UBE2D2: variants seen among roughly 807,000 people sequenced by gnomAD.
The protein encoded by UBE2D2 is ubiquitin-conjugating enzyme E2 D2.
A neutral mutation model predicts 24.2 loss-of-function variants in UBE2D2; 2 were observed. The observed-to-expected ratio is 0.08, with a 90% CI of 0.03 to 0.26. UBE2D2 has a LOEUF of 0.26. Among genes scored for constraint, UBE2D2 ranks in the 10% least tolerant of loss-of-function variants. The pLI, the probability that UBE2D2 is intolerant of heterozygous loss-of-function variation, is 1.00. For synonymous variants in UBE2D2, 58 were observed against 56.5 expected (o/e 1.03, Z -0.12); for missense variants, 44 against 177.6 (o/e 0.25, Z 4.28).
intron 1 of UBE2D2, among the ~76,000 whole-genome samples, chr5:139,568,385 C>T (rs1043707783): frequency 8.6e-5 from 13 of 150,968 alleles, no homozygotes; most frequent in Non-Finnish European, 1.6e-4. Flanking sequence ...CCGGGCTGGG[C>T]GCTGTGGCTC....
At chr5:139,621,671 G>T in intron 5 of UBE2D2, among the ~76,000 whole-genome samples, 1 of 151,096 alleles carries the variant, frequency 6.6e-6, no homozygotes, top group South Asian at 2.1e-4. Flanking sequence ...CACCCAGATT[G>T]GAGTGCAGTG....
At chr5:139,533,744 G>T (rs1321073612) in intron 1 of UBE2D2, among the ~76,000 whole-genome samples, 1 of 151,676 alleles carries the variant, frequency 6.6e-6, no homozygotes, top group Non-Finnish European at 1.5e-5. Flanking sequence ...GTAATTCCAA[G>T]AATTTAACTA....
At chr5:139,571,603 C>T (rs902310037) in intron 1 of UBE2D2, among the ~76,000 whole-genome samples, 3 of 152,048 alleles carry the variant, frequency 2.0e-5, no homozygotes, top group Non-Finnish European at 2.9e-5. Flanking sequence ...CAGATACAGG[C>T]GATCTTGACT....
intron 2 of UBE2D2, among the ~76,000 whole-genome samples, chr5:139,614,248 G>A (rs1754381014): frequency 1.3e-5 from 2 of 151,982 alleles, no homozygotes; most frequent in East Asian, 1.9e-4. Context: ...TTGTTTTTGA[G>A]AGAGTCTTGC....
At chr5:139,550,162 G>A (rs1752890016) in intron 1 of UBE2D2, among the ~76,000 whole-genome samples, 1 of 151,836 alleles carries the variant, frequency 6.6e-6, no homozygotes, top group Non-Finnish European at 1.5e-5. Context: ...TCTAGCTCAA[G>A]GTTTGTAAAC....
chr5:139,595,218 A>G (rs1321805123), intron 1 of UBE2D2, among the ~76,000 whole-genome samples: 2 of 152,130 alleles, frequency 1.3e-5, no homozygotes, highest in Non-Finnish European at 2.9e-5. Context: ...ATATTTGGGT[A>G]TTATTTTTTT....
intron 1 of UBE2D2, among the ~76,000 whole-genome samples, chr5:139,584,882 G>A (rs1679138240): frequency 1.4e-5 from 2 of 144,334 alleles, no homozygotes; most frequent in African/African-American, 5.1e-5. Context: ...AATATATTGT[G>A]TATGTCACTA....
rs894752839 is a variant in UBE2D2, at chr5:139,627,715, A to T, written c.*914A>T. 1 of 152,602 alleles carries T rather than the reference A, an allele frequency of 6.6e-6. No homozygotes were observed. Among genetic ancestry groups the T allele is most frequent in the Non-Finnish European group, 1.5e-5 (1 of 68,026 alleles). The allele number at this position is 152,602 out of a possible 1,614,324, so 9.5% of individuals were successfully genotyped here. On this transcript the variant is annotated 3_prime_UTR_variant, in exon 7 of 7. Coordinates refer to ENST00000398733, the MANE Select transcript of UBE2D2 (RefSeq NM_003339.3). ...TAATTTTGTGTGAATAGGCTTTTTC[A>T]TTTTTAAGAAGTTTGTCTAGCTGAG...
At chr5:139,614,224 G>A (rs1287299215) in intron 2 of UBE2D2, among the ~76,000 whole-genome samples, 1 of 152,016 alleles carries the variant, frequency 6.6e-6, no homozygotes, top group Non-Finnish European at 1.5e-5. Context: ...AAATACTTTC[G>A]GTTTTTTTTG....
intron 1 of UBE2D2, among the ~76,000 whole-genome samples, chr5:139,583,572 G>A (rs1457431169): frequency 6.6e-6 from 1 of 152,028 alleles, no homozygotes; most frequent in Admixed American, 6.6e-5. Flanking sequence ...GACCAACCTG[G>A]CCAACAAGGT....
intron 1 of UBE2D2, among the ~76,000 whole-genome samples, chr5:139,547,578 C>A (rs948591445): frequency 2.0e-5 from 3 of 151,214 alleles, no homozygotes; most frequent in Non-Finnish European, 4.4e-5. Context: ...GACATGATCT[C>A]GGCTCACTGC....
At chr5:139,560,586 C>A (rs1048016399), upstream of UBE2D2, among the ~76,000 whole-genome samples, 1 of 152,198 alleles carries the variant, frequency 6.6e-6, no homozygotes, top group South Asian at 2.1e-4. Context: ...CCAGCCTCAG[C>A]CTCCCAAAGT....
At chr5:139,570,217 G>T (rs1315457601) in intron 1 of UBE2D2, among the ~76,000 whole-genome samples, 4 of 152,182 alleles carry the variant, frequency 2.6e-5, no homozygotes, top group African/African-American at 9.7e-5. Flanking sequence ...GCTACGGTGA[G>T]CTGTGATCAT....
Position 139,618,066 on chromosome 5 carries a change from C to T in UBE2D2, c.304+3100C>T, listed in dbSNP as rs553806149. Among the ~76,000 whole-genome samples the T allele has an allele frequency of 3.8e-3, 575 of 152,104 alleles. 5 individuals are homozygous for T. Among genetic ancestry groups the T allele is most frequent in the African/African-American group, 0.013 (536 of 41,478 alleles). The stretch of plus-strand genomic sequence containing the variant: ...TCGGCTCACCACAACCTCCACCTCC[C>T]GGGTTCAAGCCATTCTCCTGCCTCA... On this transcript the variant is annotated intron_variant, in intron 5 of 6. Coordinates refer to ENST00000398733, the MANE Select transcript of UBE2D2 (RefSeq NM_003339.3).
At chr5:139,573,251 G>A (rs1261179021) in intron 1 of UBE2D2, among the ~76,000 whole-genome samples, 5 of 149,122 alleles carry the variant, frequency 3.4e-5, no homozygotes, top group Admixed American at 6.7e-5. Context: ...GCAGTGAGCC[G>A]AGATCGCACC....
intron 5 of UBE2D2, among the ~76,000 whole-genome samples, chr5:139,621,385 G>A (rs1011434545): frequency 7.2e-5 from 11 of 152,234 alleles, no homozygotes; most frequent in African/African-American, 2.7e-4. Flanking sequence ...ATTCTAAATT[G>A]TCACTGAAGA....
At chr5:139,548,193 A>AATAAATAAAT (rs1752862553) in intron 1 of UBE2D2, among the ~76,000 whole-genome samples, 14 of 47,090 alleles carry the variant, frequency 3.0e-4, no homozygotes, top group Admixed American at 9.5e-4. Context: ...ATAAAAAAAA[A>AATAAATAAAT]AAATAAATAA....
intron 1 of UBE2D2, among the ~76,000 whole-genome samples, chr5:139,578,434 T>TTGTGTGTG (rs34697798): frequency 0.01 from 1,453 of 145,058 alleles, 15 homozygotes; most frequent in Middle Eastern, 0.05. Context: ...GTTTTGTGTT[T>TTGTGTGTG]TGTGTGTGTG....
intron 2 of UBE2D2, among the ~76,000 whole-genome samples, chr5:139,605,972 G>C (rs1754191498): frequency 6.6e-6 from 1 of 151,994 alleles, no homozygotes; most frequent in Non-Finnish European, 1.5e-5. Context: ...TGAAATCCTG[G>C]GCTCAAGTGA....
Sources: allele counts gnomAD v4.1 joint callset (sites outside exome capture counted in the v4.1 genomes callset), GRCh38; gene constraint gnomAD v4.1.1; transcripts MANE v1.5; gene names NCBI Gene and HGNC (gene_info 2026-07-23, HGNC 2026-07-21).